Variants in TMEM245 observed in about 807,000 individuals in gnomAD.
The protein encoded by TMEM245 is transmembrane protein 245.
In TMEM245, 69 loss-of-function variants were observed where a neutral mutation model predicts 101.2. That is an observed-to-expected ratio of 0.68 (90% confidence interval 0.56 to 0.83). TMEM245 has a LOEUF of 0.83. Among genes scored for constraint, TMEM245 ranks in the 40% least tolerant of loss-of-function variants. TMEM245 has a pLI of 0.00. For synonymous variants in TMEM245, 537 were observed against 449.8 expected, an observed-to-expected ratio of 1.19 and a Z score of -2.45; for missense variants, 1,075 against 1,092.8, an observed-to-expected ratio of 0.98 and a Z score of 0.23.
chr9:109,093,456 T>A lies in TMEM245; in HGVS notation c.916+19A>T. On this transcript the variant is annotated intron_variant, in intron 4 of 17. Transcript: ENST00000374586. Reference sequence around the variant, plus strand: ...TCATTTTCCAGAATAACCTTGAATGTCACCAGAACATCAGTCACCTGCAGG... The same window carrying A: ...TCATTTTCCAGAATAACCTTGAATGACACCAGAACATCAGTCACCTGCAGG... 6.3e-7 allele frequency: 1 copy of A among 1,589,724 alleles called. No individual in the cohort carries two copies. The highest frequency in any genetic ancestry group is 8.6e-7 in the Non-Finnish European group (1 of 1,164,450).
At chr9:109,057,029 T>C (rs142586779) in intron 12 of TMEM245, among the ~76,000 whole-genome samples, 162 bp downstream of exon 12, 75 of 152,354 alleles carry the variant, frequency 4.9e-4, no homozygotes, top group African/African-American at 1.7e-3. Flanking sequence ...CTGAAGCCTA[T>C]GGCTTTTGAA....
chr9:109,022,143 G>C (rs1827645187), intron 17 of TMEM245, among the ~76,000 whole-genome samples: 1 of 152,110 alleles, frequency 6.6e-6, no homozygotes, highest in South Asian at 2.1e-4. Context: ...TGTCAAGAGG[G>C]GAACAGGTAA....
intron 14 of TMEM245, among the ~76,000 whole-genome samples, chr9:109,048,973 C>G (rs1252728489): frequency 6.6e-6 from 1 of 152,168 alleles, no homozygotes; most frequent in East Asian, 1.9e-4. Context: ...GGCTGTAGGA[C>G]AGAGGAGAAA....
intron 1 of TMEM245, among the ~76,000 whole-genome samples, chr9:109,111,369 A>T (rs1290606691): frequency 3.3e-5 from 5 of 152,212 alleles, no homozygotes; most frequent in Non-Finnish European, 7.4e-5. Flanking sequence ...GGAGGTCACA[A>T]TTTATACAGT....
Position 109,041,587 on chromosome 9 carries a change from C to T in TMEM245, c.2124-3470G>A, listed in dbSNP as rs527605254. Among the ~76,000 whole-genome samples, 3 of 150,754 alleles carry T rather than the reference C, an allele frequency of 2.0e-5. No homozygotes were observed. In the South Asian group the frequency reaches 6.3e-4, roughly 32 times the overall value. On this transcript the variant is annotated intron_variant, in intron 14 of 17. Transcript: ENST00000374586. Reference sequence around the variant, plus strand: ...CAAGTGATCCTCCCACCTCAGCCTCCCAGGGGCTGAGAGATGGTCAAAGGG... The same window carrying T: ...CAAGTGATCCTCCCACCTCAGCCTCTCAGGGGCTGAGAGATGGTCAAAGGG...
In TMEM245 at chr9:109,016,988, CTAAAT is replaced by C. The variant is rs1178271553; in HGVS notation, c.*3467_*3471del. On this transcript the variant is annotated 3_prime_UTR_variant, in exon 18 of 18. Coordinates refer to ENST00000374586, the MANE Select transcript of TMEM245 (RefSeq NM_032012.4). ...AGGTTGAAAGCTCTGGATAGCTCAC[CTAAAT>C]TACTTTCCTCTAATCTAACCCCTCA... 2 of 152,046 alleles carry C rather than the reference CTAAAT, an allele frequency of 1.3e-5. No individual in the cohort carries two copies. The highest frequency in any genetic ancestry group is 1.3e-4 in the Admixed American group (2 of 15,256). The allele number at this position is 152,046 out of a possible 1,614,324, so 9.4% of individuals were successfully genotyped here. A position where few individuals can be genotyped will look rare whatever the true frequency, so the allele number is the denominator to read the frequency against.
intron 8 of TMEM245, among the ~76,000 whole-genome samples, chr9:109,077,557 T>C (rs1017455701): frequency 3.3e-5 from 5 of 152,230 alleles, no homozygotes; most frequent in African/African-American, 1.2e-4. Context: ...TGTTTATTTC[T>C]CCTTTTAATT....
intron 8 of TMEM245, among the ~76,000 whole-genome samples, chr9:109,074,811 A>G (rs1333645220): frequency 2.0e-5 from 3 of 152,142 alleles, no homozygotes; most frequent in Non-Finnish European, 2.9e-5. Context: ...TTCCAATTCT[A>G]TCGGGCCCCA....
intron 14 of TMEM245, chr9:109,038,705 T>C (rs1256875622): frequency 6.6e-6 from 1 of 152,038 alleles, no homozygotes; most frequent in African/African-American, 2.4e-5. Context: ...AGAGAATTTG[T>C]GGGAAAAAAA....
intron 14 of TMEM245, 133 bp downstream of exon 14, chr9:109,050,150 G>C (rs1359648993): frequency 9.5e-7 from 1 of 1,050,438 alleles, no homozygotes; most frequent in Non-Finnish European, 1.4e-6. Flanking sequence ...AAAATGAGAT[G>C]AAAACCTTGA....
intron 9 of TMEM245, among the ~76,000 whole-genome samples, chr9:109,073,043 AT>A (rs1829381967): frequency 2.0e-5 from 3 of 152,188 alleles, no homozygotes; most frequent in Non-Finnish European, 4.4e-5. Flanking sequence ...TCTTCAATCT[AT>A]CTCACACAGT....
At chr9:109,119,221 G>T in intron 1 of TMEM245, 114 bp downstream of exon 1, 1 of 1,000,394 alleles carries the variant, frequency 1.0e-6, no homozygotes, top group Non-Finnish European at 1.4e-6. Context: ...GACGGTCACT[G>T]CAGCACAGGT....
chr9:109,050,262 T>C (rs532934591), intron 14 of TMEM245, 21 bp downstream of exon 14: 2 of 1,608,744 alleles, frequency 1.2e-6, no homozygotes, highest in African/African-American at 1.3e-5. Flanking sequence ...GAAATAAGAA[T>C]AGCATAAACC....
In TMEM245 at chr9:109,038,042, G is replaced by A. The variant is rs1177398246; in HGVS notation, c.2199C>T (p.Gly733=). The change falls in exon 15 of 18, where the codon GGC becomes GGT. Residue 733 remains glycine, a synonymous_variant. Coordinates refer to ENST00000374586, the MANE Select transcript of TMEM245 (RefSeq NM_032012.4). The part of the protein sequence containing the change: ...LYTWLTHTMF[G]INIVFIPSAL... The stretch of plus-strand genomic sequence containing the variant: ...CTGATGGTATGAAGACAATATTGAT[G>A]CCAAACATAGTATGAGTCAGCCAGG... 2 of 1,612,504 alleles carry A rather than the reference G, an allele frequency of 1.2e-6. No homozygotes were observed. Among genetic ancestry groups the A allele is most frequent in the South Asian group, 2.2e-5 (2 of 90,788 alleles).
At position 109,080,854 on chromosome 9, in the gene TMEM245, T is replaced by C. The variant is rs1829646249; in HGVS notation, c.1434A>G (p.Leu478=). The change falls in exon 8 of 18, where the codon CTA becomes CTG. Residue 478 remains leucine (L), a synonymous_variant. Coordinates refer to ENST00000374586, the MANE Select transcript of TMEM245 (RefSeq NM_032012.4). ...TGTACTCTACCTTTGCAGTCAGGAG[T>C]AGGGCTAAAAGAAGAGTTCCTATCA... ...LLVIGTLLLA[L]LLTAKVHQES... 4 of 1,594,238 alleles carry C rather than the reference T, an allele frequency of 2.5e-6. No homozygotes were observed. The highest frequency in any genetic ancestry group is 3.4e-6 in the Non-Finnish European group (4 of 1,163,178).
intron 3 of TMEM245, among the ~76,000 whole-genome samples, chr9:109,102,937 TGATGA>T (rs1564207932): frequency 6.6e-6 from 1 of 152,248 alleles, no homozygotes; most frequent in African/African-American, 2.4e-5. Flanking sequence ...AAGTCTGATC[TGATGA>T]TTTGAGGACC....
intron 14 of TMEM245, among the ~76,000 whole-genome samples, chr9:109,041,911 G>C (rs946630841): frequency 6.6e-6 from 1 of 151,986 alleles, no homozygotes. Context: ...CAGGTGGATC[G>C]CTACAGCCCA....
At position 109,119,422 on chromosome 9, in the gene TMEM245, G is replaced by A. The variant is rs1280571499; in HGVS notation, c.492C>T (p.Cys164=). 2.0e-6 allele frequency: 3 copies of A among 1,524,634 alleles called. No homozygotes were observed. Among genetic ancestry groups the A allele is most frequent in the Admixed American group, 2.0e-5 (1 of 49,838 alleles). The allele number at this position is 1,524,634 out of a possible 1,614,324, so 94.4% of individuals were successfully genotyped here. Residue 164 remains cysteine, a synonymous_variant, in exon 1 of 18, where the codon TGC becomes TGT. Transcript: ENST00000374586. ...CCTGCACGCCCAAGTAGCTGCCGAGGCAGTAGAGGCCGTACAGGAGCGGGC... is the reference window on the plus strand; with the variant it reads ...CCTGCACGCCCAAGTAGCTGCCGAGACAGTAGAGGCCGTACAGGAGCGGGC... ...AGGPLLYGLY[C]LGSYLGVQVL... is the part of the protein sequence containing the mutation.
chr9:109,047,666 A>C (rs1049503565), intron 14 of TMEM245, among the ~76,000 whole-genome samples: 9 of 152,266 alleles, frequency 5.9e-5, no homozygotes, highest in Admixed American at 6.5e-5. Flanking sequence ...GCAGAACAAG[A>C]GAAAATTCAA....
Sources: allele counts gnomAD v4.1 joint callset (sites outside exome capture counted in the v4.1 genomes callset), GRCh38; gene constraint gnomAD v4.1.1; transcripts MANE v1.5; gene names NCBI Gene and HGNC (gene_info 2026-07-23, HGNC 2026-07-21).